HIPK3: variants seen among roughly 807,000 people sequenced by gnomAD.
HIPK3 encodes homeodomain-interacting protein kinase 3.
A neutral mutation model predicts 124.2 loss-of-function variants in HIPK3; 47 were observed. The observed-to-expected ratio is 0.38, with a 90% CI of 0.30 to 0.48. The LOEUF is 0.48. HIPK3 is among the 20% of genes least tolerant of loss of function. The probability of loss-of-function intolerance (pLI) is 0.98; values close to 1 mark genes in which losing one functional copy is unlikely to be tolerated. For missense variants in HIPK3, 1,286 were observed against 1,454.3 expected, an observed-to-expected ratio of 0.88 and a Z score of 1.88; for synonymous variants, 482 against 515.2, an observed-to-expected ratio of 0.94 and a Z score of 0.87.
intron 1 of HIPK3, among the ~76,000 whole-genome samples, chr11:33,279,324 CAAA>C (rs869091127): frequency 1.5e-3 from 113 of 77,502 alleles, no homozygotes; most frequent in African/African-American, 4.9e-3. Flanking sequence ...CTCTTTGTCT[CAAA>C]AAAAAAAAAA....
chr11:33,352,392 G>A, intron 16 of HIPK3, 127 bp downstream of exon 16: 1 of 966,772 alleles, frequency 1.0e-6, no homozygotes, highest in Non-Finnish European at 1.6e-6. Flanking sequence ...ATTATCCCAA[G>A]TGGCTAAAGA....
chr11:33,349,937 T>G (rs972223077), intron 14 of HIPK3, among the ~76,000 whole-genome samples: 3 of 151,762 alleles, frequency 2.0e-5, no homozygotes, highest in Non-Finnish European at 4.4e-5. Flanking sequence ...CTGGCTAATT[T>G]TTTGTATTTT....
At position 33,353,694 on chromosome 11, in the gene HIPK3, C is replaced by T; in HGVS notation, c.*126C>T. On this transcript the variant is annotated 3_prime_UTR_variant, in exon 17 of 17. Transcript: ENST00000303296. ...CATGTAGACTTGGGTGCAATTTAAA[C>T]AACTTTGAGCTTTAAAAACTCACTT... is the stretch of plus-strand genomic sequence containing the variant. The T allele has an allele frequency of 1.5e-6, 1 of 683,642 alleles. No individual in the cohort carries two copies. Among genetic ancestry groups the T allele is most frequent in the South Asian group, 1.9e-5 (1 of 52,304 alleles). The allele number at this position is 683,642 out of a possible 1,614,324, so 42.3% of individuals were successfully genotyped here.
chr11:33,352,044 C>G, intron 15 of HIPK3, 94 bp from the exon 16 acceptor site: 4 of 1,283,138 alleles, frequency 3.1e-6, no homozygotes, highest in Non-Finnish European at 4.4e-6. Flanking sequence ...TTAAGGCTCT[C>G]AAATCACTAT....
chr11:33,296,172 A>T (rs1001993095), intron 2 of HIPK3, among the ~76,000 whole-genome samples: 4 of 152,148 alleles, frequency 2.6e-5, no homozygotes, highest in African/African-American at 9.7e-5. Flanking sequence ...TCAGTAAATT[A>T]TCCCAGATGG....
intron 1 of HIPK3, among the ~76,000 whole-genome samples, chr11:33,266,905 G>T (rs904512202): frequency 1.3e-5 from 2 of 151,928 alleles, no homozygotes; most frequent in Non-Finnish European, 2.9e-5. Flanking sequence ...ATAAAAGAAG[G>T]TCATATTTCT....
At chr11:33,338,313 A>G (rs1341983603) in intron 4 of HIPK3, among the ~76,000 whole-genome samples, 1 of 152,140 alleles carries the variant, frequency 6.6e-6, no homozygotes, top group Admixed American at 6.5e-5. Context: ...GGTTCACTGC[A>G]ACCTCCGCCT....
At chr11:33,270,009 C>T (rs1034860238) in intron 1 of HIPK3, among the ~76,000 whole-genome samples, 23 of 152,000 alleles carry the variant, frequency 1.5e-4, no homozygotes, top group African/African-American at 5.6e-4. Context: ...GACAGTTTCG[C>T]TTTCGTTGCC....
At chr11:33,334,699 T>A (rs895194867) in intron 3 of HIPK3, among the ~76,000 whole-genome samples, 1 of 152,194 alleles carries the variant, frequency 6.6e-6, no homozygotes, top group East Asian at 1.9e-4. Context: ...TAAGAAAGTT[T>A]ACAAATTTGT....
intron 1 of HIPK3, among the ~76,000 whole-genome samples, chr11:33,262,598 G>C (rs1403477590): frequency 6.6e-6 from 1 of 152,164 alleles, no homozygotes; most frequent in Non-Finnish European, 1.5e-5. Flanking sequence ...TTGTGGTTTG[G>C]AGACAGTTAA....
intron 14 of HIPK3, among the ~76,000 whole-genome samples, chr11:33,350,594 A>G (rs1853628658): frequency 6.6e-6 from 1 of 151,868 alleles, no homozygotes; most frequent in African/African-American, 2.4e-5. Flanking sequence ...GGATTATTTG[A>G]GCCCTGTAAT....
chr11:33,329,482 T>C (rs1220690228), intron 3 of HIPK3, among the ~76,000 whole-genome samples: 2 of 152,192 alleles, frequency 1.3e-5, no homozygotes, highest in Non-Finnish European at 2.9e-5. Flanking sequence ...GATTATAGCC[T>C]TGTATTTTAG....
chr11:33,321,037 C>G (rs991042757), intron 2 of HIPK3, among the ~76,000 whole-genome samples: 2 of 152,128 alleles, frequency 1.3e-5, no homozygotes, highest in African/African-American at 4.8e-5. Flanking sequence ...ACTGAGCCTT[C>G]AGATACCCCA....
In HIPK3 at chr11:33,257,972, A is replaced by G. The variant is rs1021774093; in HGVS notation, c.-3+83A>G. 5 of 973,236 alleles carry G rather than the reference A, an allele frequency of 5.1e-6. No individual in the cohort carries two copies. In the South Asian group the frequency reaches 1.9e-4, roughly 37 times the overall value. 60.3% of individuals were successfully genotyped at this position (973,236 alleles called of 1,614,324 possible). On this transcript the variant is annotated intron_variant, in intron 1 of 16. Coordinates refer to ENST00000303296, the MANE Select transcript of HIPK3 (RefSeq NM_005734.5). Reference sequence around the variant, plus strand: ...GCGGGCTCCGCGGCCAGCGGACCCCAAGCCTGACCCGGGCCTGGCCCGACA... The same window carrying G: ...GCGGGCTCCGCGGCCAGCGGACCCCGAGCCTGACCCGGGCCTGGCCCGACA...
chr11:33,340,535 C>T (rs1043446015), intron 6 of HIPK3, among the ~76,000 whole-genome samples: 2 of 152,176 alleles, frequency 1.3e-5, no homozygotes, highest in African/African-American at 2.4e-5. Flanking sequence ...TTAAAAATTA[C>T]GTTTTTCTAC....
chr11:33,282,575 C>T (rs888521722), intron 1 of HIPK3, among the ~76,000 whole-genome samples: 1 of 151,784 alleles, frequency 6.6e-6, no homozygotes, highest in South Asian at 2.1e-4. Flanking sequence ...CCCAGCCACT[C>T]GGGAAGCTGA....
chr11:33,329,510 A>G (rs1852910105), intron 3 of HIPK3, among the ~76,000 whole-genome samples: 1 of 152,218 alleles, frequency 6.6e-6, no homozygotes, highest in African/African-American at 2.4e-5. Context: ...TTCTCTATCA[A>G]GAGGAAAAAG....
At position 33,347,738 on chromosome 11, in the gene HIPK3, G is replaced by T. The variant is rs1223095591; in HGVS notation, c.2129G>T (p.Arg710Met). The T allele has an allele frequency of 1.2e-6, 2 of 1,613,856 alleles. No homozygotes were observed. Among genetic ancestry groups the T allele is most frequent in the Non-Finnish European group, 1.7e-6 (2 of 1,179,770 alleles). The change falls in exon 10 of 17, where the codon AGG (arginine) becomes ATG (methionine). Residue 710 changes from arginine (R) to methionine (M), a missense_variant. By Grantham distance (91) the Arg-to-Met change is moderately conservative. Around this residue, in one of 3 missense-constraint regions of HIPK3, gnomAD observed 810 missense variants for 864.9 expected, o/e 0.94. Transcript: ENST00000303296. ...LTSESVAGSH[R>M]LGDWGKMISC... Reference sequence around the variant, plus strand: ...TCTGAGAGTGTGGCTGGTTCACACAGGCTTGGAGACTGGGGGTAAGCTGAA... The same window carrying T: ...TCTGAGAGTGTGGCTGGTTCACACATGCTTGGAGACTGGGGGTAAGCTGAA...
At chr11:33,350,571 G>C (rs1211816006) in intron 14 of HIPK3, among the ~76,000 whole-genome samples, 1 of 151,906 alleles carries the variant, frequency 6.6e-6, no homozygotes, top group Non-Finnish European at 1.5e-5. Context: ...CTACTCAGGA[G>C]GCTGAGGCAG....
Sources: allele counts gnomAD v4.1 joint callset (sites outside exome capture counted in the v4.1 genomes callset), GRCh38; gene constraint gnomAD v4.1.1; regional missense constraint gnomAD v4.1.1; transcripts MANE v1.5; gene names NCBI Gene and HGNC (gene_info 2026-07-23, HGNC 2026-07-21).